FUT8: variants seen among roughly 807,000 people sequenced by gnomAD.
FUT8 encodes alpha-(1,6)-fucosyltransferase.
FUT8 carries 29 observed loss-of-function variants against 71.3 expected under a neutral mutation model. That is an observed-to-expected ratio of 0.41 (90% confidence interval 0.30 to 0.55). The LOEUF is 0.55. FUT8 is among the 20% of genes least tolerant of loss of function. The pLI is 0.34. For missense variants in FUT8, 544 were observed against 702.1 expected (o/e 0.77, Z 2.55); for synonymous variants, 254 against 239.3 (o/e 1.06, Z -0.57).
At chr14:65,437,513 A>G (rs554582490) in intron 1 of FUT8, among the ~76,000 whole-genome samples, 2 of 152,272 alleles carry the variant, frequency 1.3e-5, no homozygotes, top group South Asian at 2.1e-4. Flanking sequence ...TCTCCATGTC[A>G]TGCTTGTGTT....
At chr14:65,501,964 A>G (rs977973285) in intron 2 of FUT8, among the ~76,000 whole-genome samples, 3 of 150,754 alleles carry the variant, frequency 2.0e-5, no homozygotes. Flanking sequence ...AGGCTGGAAT[A>G]TAGTGGTGTA....
intron 7 of FUT8, among the ~76,000 whole-genome samples, chr14:65,676,601 C>CCCCTCCTTCCTTCTTCCTT (rs1319413352): frequency 5.4e-5 from 8 of 148,556 alleles, no homozygotes; most frequent in Non-Finnish European, 8.9e-5. Flanking sequence ...TCACCCCCCA[C>CCCCTCCTTCCTTCTTCCTT]CCCTCCTTCC....
chr14:65,536,584 A>G (rs1295235729), intron 2 of FUT8, among the ~76,000 whole-genome samples: 3 of 152,116 alleles, frequency 2.0e-5, no homozygotes, highest in East Asian at 3.9e-4. Context: ...TAGACCCCCA[A>G]TCTCTTCTGA....
In FUT8 at chr14:65,603,630, T is replaced by A. The variant is rs1348191310; in HGVS notation, c.204-12348T>A. ...ATTGAGCTTCTTTGGATCTTCTCTC[T>A]TCTTTTCTTGGTTAATCTTGCTAAT... On this transcript the variant is annotated intron_variant, in intron 3 of 10. Transcript: ENST00000673929. This position sits in a 1 kb window ranked among gnomAD's most constrained non-coding sequence, Gnocchi z 4.5. 7.2e-5 allele frequency among the ~76,000 whole-genome samples: 11 copies of A among 151,930 alleles called. No individual in the cohort carries two copies.
the FUT8 span, among the ~76,000 whole-genome samples, chr14:65,367,866 C>T: frequency 6.6e-6 from 1 of 152,250 alleles, no homozygotes; most frequent in Admixed American, 6.5e-5. Context: ...ACTCCCACCT[C>T]TCCAATCCCA....
chr14:65,611,318 C>T (rs930455967), intron 3 of FUT8, among the ~76,000 whole-genome samples: 1 of 139,254 alleles, frequency 7.2e-6, no homozygotes, highest in Admixed American at 7.2e-5. Flanking sequence ...AAGTAATAGC[C>T]TTGATTTTGC....
intron 9 of FUT8, among the ~76,000 whole-genome samples, chr14:65,725,460 T>G (rs995062789): frequency 2.0e-5 from 3 of 152,238 alleles, no homozygotes; most frequent in Admixed American, 2.0e-4. Context: ...AGTTAGTCTT[T>G]ATTTACTATC....
At chr14:65,562,547 A>AT (rs1885970320) in intron 3 of FUT8, among the ~76,000 whole-genome samples, 1 of 152,068 alleles carries the variant, frequency 6.6e-6, no homozygotes, top group African/African-American at 2.4e-5. Context: ...CGATCTCTGT[A>AT]TTTTTTTCCA....
chr14:65,715,365 A>G (rs76047866), intron 7 of FUT8, among the ~76,000 whole-genome samples: 5,147 of 152,342 alleles, frequency 0.034, 140 homozygotes, highest in Non-Finnish European at 0.051. Flanking sequence ...TTCTGTTGAT[A>G]TGATATGTCT....
At chr14:65,440,788 A>G (rs2065643179) in intron 1 of FUT8, among the ~76,000 whole-genome samples, 1 of 152,166 alleles carries the variant, frequency 6.6e-6, no homozygotes, top group African/African-American at 2.4e-5. Context: ...ATTAGTGAGA[A>G]TTTTATTTGG....
chr14:65,742,626 G>C lies in FUT8; in HGVS notation c.*216G>C. On this transcript the variant is annotated 3_prime_UTR_variant, in exon 11 of 11. Transcript: ENST00000673929. Reference sequence around the variant, plus strand: ...TGCAATGCCCTCATACCCATGCACAGTACAATAATGTACTCACATATAACA... The same window carrying C: ...TGCAATGCCCTCATACCCATGCACACTACAATAATGTACTCACATATAACA... The C allele has an allele frequency of 2.0e-6, 1 of 507,728 alleles. No individual in the cohort carries two copies. The highest frequency in any genetic ancestry group is 3.5e-6 in the Non-Finnish European group (1 of 284,350). The allele number at this position is 507,728 out of a possible 1,614,324, so 31.5% of individuals were successfully genotyped here. A position where few individuals can be genotyped will look rare whatever the true frequency, so the allele number is the denominator to read the frequency against.
rs569356600 is a variant in FUT8 at position 65,518,093 on chromosome 14, T to C, written c.-227-43244T>C. On this transcript the variant is annotated intron_variant, in intron 2 of 10. Transcript: ENST00000673929. ...TCTTTTATGAATTTAGTCATAACTTTGCAGTTTAATTGGACTTTTAGGGTT... is the reference window on the plus strand; with the variant it reads ...TCTTTTATGAATTTAGTCATAACTTCGCAGTTTAATTGGACTTTTAGGGTT... Among the ~76,000 whole-genome samples, 97 of 152,372 alleles carry C rather than the reference T, an allele frequency of 6.4e-4. 1 individual carries two copies. The South Asian group carries it at 0.02, about 31-fold the overall frequency.
Position 65,724,390 on chromosome 14 carries a change from C to G in FUT8, c.1259+67C>G, listed in dbSNP as rs1895576881. ...TTTCAGTTTAAAAGAATTCTTACTT[C>G]CCATGACTTGTGATTTTTGTATATT... On this transcript the variant is annotated intron_variant, in intron 9 of 10. Transcript: ENST00000673929. 3.1e-6 allele frequency: 3 copies of G among 957,806 alleles called. No individual in the cohort carries two copies. In the Admixed American group the frequency reaches 8.2e-5, roughly 26 times the overall value. The allele number at this position is 957,806 out of a possible 1,614,324, so 59.3% of individuals were successfully genotyped here.
intron 2 of FUT8, among the ~76,000 whole-genome samples, chr14:65,549,204 C>G (rs1194427990): frequency 6.6e-6 from 1 of 152,118 alleles, no homozygotes; most frequent in Non-Finnish European, 1.5e-5. Context: ...TCATGTGACC[C>G]AGCAATCCTA....
At chr14:65,570,276 T>C (rs929903679) in intron 3 of FUT8, among the ~76,000 whole-genome samples, 1 of 152,190 alleles carries the variant, frequency 6.6e-6, no homozygotes, top group East Asian at 1.9e-4. Flanking sequence ...TTCTGTGTGA[T>C]CCCTACCCAG....
At chr14:65,618,051 A>ATATATATATG (rs1555376254) in intron 5 of FUT8, among the ~76,000 whole-genome samples, 81 of 84,204 alleles carry the variant, frequency 9.6e-4, no homozygotes, top group Non-Finnish European at 1.5e-3. Flanking sequence ...ATATATATAT[A>ATATATATATG]TATGTATGTA....
chr14:65,554,422 C>A (rs1464864478), intron 2 of FUT8, among the ~76,000 whole-genome samples: 118 of 109,110 alleles, frequency 1.1e-3, no homozygotes, highest in African/African-American at 3.8e-3. Flanking sequence ...AACTATATAT[C>A]TATATATATA....
chr14:65,689,046 A>G (rs1893444387), intron 7 of FUT8, among the ~76,000 whole-genome samples: 1 of 152,236 alleles, frequency 6.6e-6, no homozygotes. Context: ...TTAGGACTTC[A>G]ACATATGAAT....
the FUT8 span, among the ~76,000 whole-genome samples, chr14:65,364,454 C>T: frequency 8.3e-4 from 126 of 152,254 alleles, no homozygotes; most frequent in African/African-American, 8.2e-4. Flanking sequence ...CTGCCCGCCT[C>T]GGCCTCCCAA....
Sources: allele counts gnomAD v4.1 joint callset (sites outside exome capture counted in the v4.1 genomes callset), GRCh38; gene constraint gnomAD v4.1.1; non-coding constraint Gnocchi (gnomAD v3.1); transcripts MANE v1.5; gene names NCBI Gene and HGNC (gene_info 2026-07-23, HGNC 2026-07-21).